ANTXR1: variants seen among roughly 807,000 people sequenced by gnomAD.
ANTXR1 encodes ANTXR cell adhesion molecule 1, also known as anthrax toxin receptor 1.
ANTXR1 carries 19 observed loss-of-function variants against 78.1 expected under a neutral mutation model. The observed-to-expected ratio is 0.24, with a 90% confidence interval of 0.17 to 0.36. The LOEUF is 0.36. Among genes scored for constraint, ANTXR1 ranks in the 10% least tolerant of loss-of-function variants. The pLI, the probability that ANTXR1 is intolerant of heterozygous loss-of-function variation, is 1.00. For missense variants in ANTXR1, 518 were observed against 718.6 expected, an observed-to-expected ratio of 0.72 and a Z score of 3.19; for synonymous variants, 273 against 260.5, an observed-to-expected ratio of 1.05 and a Z score of -0.46.
At chr2:69,204,918 G>T (rs1167305209) in intron 17 of ANTXR1, among the ~76,000 whole-genome samples, 3 of 152,102 alleles carry the variant, frequency 2.0e-5, no homozygotes, top group African/African-American at 7.2e-5. Context: ...ACCTCTCGCT[G>T]CCTCCCACTT....
At chr2:69,077,372 T>A in intron 7 of ANTXR1, 36 bp from the exon 8 acceptor site, 1 of 1,612,334 alleles carries the variant, frequency 6.2e-7, no homozygotes, top group South Asian at 1.1e-5. Context: ...AGCCTAACAG[T>A]CTCCCCATGT....
intron 13 of ANTXR1, among the ~76,000 whole-genome samples, chr2:69,155,991 C>T (rs748966579): frequency 6.6e-6 from 1 of 152,088 alleles, no homozygotes; most frequent in Non-Finnish European, 1.5e-5. Flanking sequence ...AATTCCCGAT[C>T]TCCCCTCTGT....
At chr2:69,207,355 C>G (rs34820790) in intron 17 of ANTXR1, among the ~76,000 whole-genome samples, 56,388 of 152,004 alleles carry the variant, frequency 0.37, 11,773 homozygotes, top group East Asian at 0.88. Context: ...ATGGCACAAA[C>G]TGTTCCCCCA....
chr2:69,206,557 G>A (rs1692010528), intron 17 of ANTXR1, among the ~76,000 whole-genome samples: 2 of 152,202 alleles, frequency 1.3e-5, no homozygotes, highest in African/African-American at 4.8e-5. Flanking sequence ...TGGTGGTGGA[G>A]AGCAATGGAA....
At chr2:69,088,908 G>C (rs967402303) in intron 8 of ANTXR1, among the ~76,000 whole-genome samples, 1 of 152,116 alleles carries the variant, frequency 6.6e-6, no homozygotes. Context: ...TGTGAGGACC[G>C]CTGACTCTAA....
At chr2:69,244,879 AT>A (rs1435683616) in intron 17 of ANTXR1, among the ~76,000 whole-genome samples, 1 of 152,132 alleles carries the variant, frequency 6.6e-6, no homozygotes, top group East Asian at 1.9e-4. Flanking sequence ...CTGCTTCCTC[AT>A]CTGTGCAGTG....
intron 1 of ANTXR1, among the ~76,000 whole-genome samples, chr2:69,016,424 C>A (rs762414259): frequency 6.6e-6 from 1 of 152,094 alleles, no homozygotes; most frequent in Non-Finnish European, 1.5e-5. Flanking sequence ...CAAAGAAGTA[C>A]CTACATGTAT....
intron 3 of ANTXR1, among the ~76,000 whole-genome samples, chr2:69,055,667 G>T (rs1003665041): frequency 6.6e-6 from 1 of 152,040 alleles, no homozygotes; most frequent in African/African-American, 2.4e-5. Context: ...GTGCATGCAT[G>T]TGTATTCTAT....
At chr2:69,022,259 CT>C (rs1391687266) in intron 1 of ANTXR1, among the ~76,000 whole-genome samples, 1 of 152,212 alleles carries the variant, frequency 6.6e-6, no homozygotes, top group African/African-American at 2.4e-5. Flanking sequence ...ACTAGTGCTT[CT>C]CAATGAGGGT....
At chr2:69,027,291 C>T (rs1364084698) in intron 1 of ANTXR1, among the ~76,000 whole-genome samples, 1 of 152,170 alleles carries the variant, frequency 6.6e-6, no homozygotes, top group Non-Finnish European at 1.5e-5. Context: ...AGATCGCGCG[C>T]CTCCAGGGAA....
intron 1 of ANTXR1, among the ~76,000 whole-genome samples, chr2:69,027,012 T>A (rs2104011667): frequency 6.6e-6 from 1 of 152,312 alleles, no homozygotes; most frequent in East Asian, 1.9e-4. Flanking sequence ...CTTTCAACTC[T>A]GTTGCCAAAT....
At chr2:69,181,657 A>G (rs1385850784) in intron 14 of ANTXR1, 129 bp from the exon 15 acceptor site, 8 of 888,696 alleles carry the variant, frequency 9.0e-6, no homozygotes, top group Non-Finnish European at 1.5e-5. Flanking sequence ...GTTCTAGGAA[A>G]CAGTAGCACT....
intron 11 of ANTXR1, 34 bp downstream of exon 11, chr2:69,123,120 A>G (rs754611313): frequency 1.2e-6 from 2 of 1,606,726 alleles, no homozygotes; most frequent in South Asian, 2.2e-5. Flanking sequence ...CCTCCCAGCC[A>G]GGGAAGAGAG....
At chr2:69,101,404 A>T (rs909370256) in intron 9 of ANTXR1, among the ~76,000 whole-genome samples, 2 of 152,146 alleles carry the variant, frequency 1.3e-5, no homozygotes, top group African/African-American at 4.8e-5. Flanking sequence ...TCTGATTCTG[A>T]CAAGTTACCA....
chr2:69,029,594 T>A (rs1671464652), intron 1 of ANTXR1, among the ~76,000 whole-genome samples: 1 of 151,736 alleles, frequency 6.6e-6, no homozygotes, highest in African/African-American at 2.4e-5. Context: ...AAAAGGAAAG[T>A]GAGATTCAGA....
At chr2:69,228,535 C>T (rs760623828) in intron 17 of ANTXR1, among the ~76,000 whole-genome samples, 1 of 151,648 alleles carries the variant, frequency 6.6e-6, no homozygotes, top group Non-Finnish European at 1.5e-5. Flanking sequence ...AATTACGCAG[C>T]CCCTGAGCCA....
intron 17 of ANTXR1, among the ~76,000 whole-genome samples, chr2:69,228,564 A>C (rs968385424): frequency 1.3e-5 from 2 of 152,230 alleles, no homozygotes; most frequent in African/African-American, 4.8e-5. Context: ...TTTTTGAATC[A>C]GGATAATGGG....
At chr2:69,030,697 T>G (rs1431976764) in intron 1 of ANTXR1, among the ~76,000 whole-genome samples, 1 of 152,192 alleles carries the variant, frequency 6.6e-6, no homozygotes, top group Non-Finnish European at 1.5e-5. Flanking sequence ...GAATAAACTT[T>G]CCTTTCAAAT....
intron 3 of ANTXR1, among the ~76,000 whole-genome samples, chr2:69,047,806 G>A (rs1182888507): frequency 6.6e-6 from 1 of 152,098 alleles, no homozygotes; most frequent in Non-Finnish European, 1.5e-5. Flanking sequence ...CTTGGCTGCT[G>A]CTACTTCAAT....
Sources: gnomAD v4.1 joint callset for allele counts (sites outside exome capture counted in the v4.1 genomes callset) on GRCh38, gnomAD v4.1.1 for gene constraint, MANE v1.5 for transcripts, NCBI Gene and HGNC (gene_info 2026-07-23, HGNC 2026-07-21) for gene names.